The following SMYD2 variants were observed in gnomAD, a reference collection of about 807,000 sequenced individuals.
The protein encoded by SMYD2 is N-lysine methyltransferase SMYD2.
Under a neutral mutation model 59.1 loss-of-function variants are expected in SMYD2, and 53 were observed. The observed-to-expected ratio is 0.90, with a 90% CI of 0.72 to 1.13. SMYD2 has a LOEUF of 1.13. Among genes scored for constraint, SMYD2 ranks in the 50% most tolerant of loss-of-function variants. SMYD2 has a pLI of 0.00. For synonymous variants in SMYD2, 208 were observed against 198.8 expected (o/e 1.05, Z -0.39); for missense variants, 494 against 544.7 (o/e 0.91, Z 0.93).
At chr1:214,294,140 T>C (rs1390623317) in intron 1 of SMYD2, among the ~76,000 whole-genome samples, 2 of 152,226 alleles carry the variant, frequency 1.3e-5, no homozygotes, top group East Asian at 3.8e-4. Flanking sequence ...TTAAAAATGT[T>C]CTCCGTTCAG....
intron 6 of SMYD2, among the ~76,000 whole-genome samples, chr1:214,327,089 A>G (rs962140427): frequency 2.6e-5 from 4 of 152,198 alleles, no homozygotes; most frequent in Non-Finnish European, 5.9e-5. Context: ...TAATGTCCCA[A>G]TTTTCCAGAT....
At chr1:214,336,405 G>A (rs185016512) in intron 11 of SMYD2, among the ~76,000 whole-genome samples, 9 of 152,310 alleles carry the variant, frequency 5.9e-5, no homozygotes, top group Admixed American at 2.6e-4. Flanking sequence ...GGTGGTGGGC[G>A]CCTGTGGTCC....
At chr1:214,299,676 G>T (rs1175552036) in intron 1 of SMYD2, among the ~76,000 whole-genome samples, 1 of 151,972 alleles carries the variant, frequency 6.6e-6, no homozygotes, top group Non-Finnish European at 1.5e-5. Flanking sequence ...GCGCTGTCCT[G>T]GCTCACTGCA....
chr1:214,327,060 CAGTG>C (rs1657275047), intron 6 of SMYD2, among the ~76,000 whole-genome samples: 1 of 152,270 alleles, frequency 6.6e-6, no homozygotes, highest in African/African-American at 2.4e-5. Flanking sequence ...GAAAAGCAGA[CAGTG>C]AGCAGCAGGA....
chr1:214,290,844 T>G (rs1035314415), intron 1 of SMYD2, among the ~76,000 whole-genome samples: 9 of 152,212 alleles, frequency 5.9e-5, no homozygotes, highest in South Asian at 2.1e-4. Flanking sequence ...AGAAAGACTC[T>G]TCAGGGATGT....
intron 5 of SMYD2, among the ~76,000 whole-genome samples, chr1:214,324,370 A>C (rs1294884314): frequency 6.6e-6 from 1 of 152,116 alleles, no homozygotes; most frequent in East Asian, 1.9e-4. Context: ...CAGTCCTCAG[A>C]GTCTTGGGGG....
intron 3 of SMYD2, among the ~76,000 whole-genome samples, chr1:214,316,003 C>T (rs778374685): frequency 5.9e-5 from 9 of 152,174 alleles, no homozygotes; most frequent in Non-Finnish European, 1.2e-4. Flanking sequence ...GACACCTAAT[C>T]TTCGAAGGGC....
chr1:214,331,058 A>C lies in SMYD2; in HGVS notation c.925A>C (p.Lys309Gln), dbSNP rs1657344967. 6.2e-7 allele frequency: 1 copy of C among 1,614,234 alleles called. No homozygotes were observed. The change falls in exon 9 of 12, where the codon AAG (lysine) becomes CAG (glutamine). Residue 309 changes from lysine (K) to glutamine (Q), a missense_variant. Transcript: ENST00000366957. ...RNVIEEFRRA[K>Q]HYKSPSELLE... ...CGTCATTGAAGAGTTCCGGAGGGCC[A>C]AGCACTATAAATATATCCTTTACAA...
chr1:214,285,580 C>T (rs1656524952), intron 1 of SMYD2, among the ~76,000 whole-genome samples: 1 of 152,172 alleles, frequency 6.6e-6, no homozygotes, highest in East Asian at 1.9e-4. Context: ...CTAAAACATA[C>T]ATACAACAGA....
At chr1:214,314,720 G>T in intron 2 of SMYD2, 42 bp from the exon 3 acceptor site, 1 of 1,460,516 alleles carries the variant, frequency 6.8e-7, no homozygotes, top group South Asian at 1.1e-5. Flanking sequence ...TTATTCCAGT[G>T]TATGTGCTAT....
intron 2 of SMYD2, among the ~76,000 whole-genome samples, chr1:214,311,875 T>C (rs968330685): frequency 4.6e-5 from 7 of 152,164 alleles, no homozygotes; most frequent in African/African-American, 1.7e-4. Context: ...TTGGAGTTGC[T>C]GGAGTCAGAG....
At chr1:214,302,862 T>C (rs1424636498) in intron 1 of SMYD2, among the ~76,000 whole-genome samples, 1 of 152,186 alleles carries the variant, frequency 6.6e-6, no homozygotes, top group Non-Finnish European at 1.5e-5. Flanking sequence ...GCTTTTTTTG[T>C]ATGTTGTGGA....
chr1:214,293,616 G>A (rs1656673962), intron 1 of SMYD2, among the ~76,000 whole-genome samples: 1 of 152,132 alleles, frequency 6.6e-6, no homozygotes, highest in Non-Finnish European at 1.5e-5. Context: ...CCATTTGGAT[G>A]CTGAATCATT....
At chr1:214,301,850 T>C (rs1347008628) in intron 1 of SMYD2, among the ~76,000 whole-genome samples, 2 of 151,326 alleles carry the variant, frequency 1.3e-5, no homozygotes, top group African/African-American at 2.4e-5. Context: ...ATCACACCAG[T>C]GCTCTTCCAT....
At chr1:214,332,947 A>AC (rs1276686354) in intron 10 of SMYD2, 24 of 152,132 alleles carry the variant, frequency 1.6e-4, no homozygotes. Context: ...TGGGCATTAG[A>AC]CCCAGAAATC....
intron 1 of SMYD2, among the ~76,000 whole-genome samples, chr1:214,304,576 A>AAAAAAAG: frequency 6.6e-6 from 1 of 151,364 alleles, no homozygotes; most frequent in African/African-American, 2.4e-5. Context: ...AAAAAAAAAA[A>AAAAAAAG]AAAAAAGCAT....
At chr1:214,317,787 C>G (rs1005194841) in intron 3 of SMYD2, among the ~76,000 whole-genome samples, 1 of 152,036 alleles carries the variant, frequency 6.6e-6, no homozygotes, top group Non-Finnish European at 1.5e-5. Flanking sequence ...AGTAAGGACC[C>G]TAAAAAGTTG....
At chr1:214,336,271 G>A (rs941457888) in intron 11 of SMYD2, among the ~76,000 whole-genome samples, 9 of 152,118 alleles carry the variant, frequency 5.9e-5, no homozygotes, top group Non-Finnish European at 1.2e-4. Flanking sequence ...GGTGGCTCAT[G>A]CCTGTAATCC....
At chr1:214,326,218 A>G (rs1657258902) in intron 6 of SMYD2, among the ~76,000 whole-genome samples, 1 of 148,162 alleles carries the variant, frequency 6.7e-6, no homozygotes, top group Non-Finnish European at 1.5e-5. Context: ...AGCCTGGACA[A>G]CAAACCGAGA....
Sources: allele counts gnomAD v4.1 joint callset (sites outside exome capture counted in the v4.1 genomes callset), GRCh38; gene constraint gnomAD v4.1.1; transcripts MANE v1.5; gene names NCBI Gene and HGNC (gene_info 2026-07-23, HGNC 2026-07-21).